Variants in TRMT11 observed in about 807,000 individuals in gnomAD.
TRMT11 encodes the protein tRNA methyltransferase 11.
Under a neutral mutation model 62.8 loss-of-function variants are expected in TRMT11, and 53 were observed. That is an observed-to-expected ratio of 0.84 (90% confidence interval 0.68 to 1.06). TRMT11 has a LOEUF of 1.06. TRMT11 is among the 50% of genes least tolerant of loss of function. The pLI, the probability that TRMT11 is intolerant of heterozygous loss-of-function variation, is 0.00. For missense variants in TRMT11, 556 were observed against 553.4 expected, an observed-to-expected ratio of 1.00 and a Z score of -0.05; for synonymous variants, 188 against 190.3, an observed-to-expected ratio of 0.99 and a Z score of 0.10.
At chr6:126,133,232 A>G (rs1373849728) in intron 21 of TRMT11, among the ~76,000 whole-genome samples, 1 of 152,040 alleles carries the variant, frequency 6.6e-6, no homozygotes. Flanking sequence ...AGATATCAAT[A>G]TGCTTTAGCC....
intron 1 of TRMT11, among the ~76,000 whole-genome samples, chr6:126,178,475 A>G (rs1000036180): frequency 6.6e-6 from 1 of 152,214 alleles, no homozygotes; most frequent in Non-Finnish European, 1.5e-5. Context: ...AGCCCATTTC[A>G]GAGTCTACCT....
intron 12 of TRMT11, among the ~76,000 whole-genome samples, chr6:126,035,948 C>T (rs1775105391): frequency 6.6e-6 from 1 of 152,126 alleles, no homozygotes; most frequent in Admixed American, 6.5e-5. Flanking sequence ...TTGTCTTCTG[C>T]CTCCCTCTTG....
At chr6:126,250,216 G>A in the TRMT11 span, among the ~76,000 whole-genome samples, 1 of 152,140 alleles carries the variant, frequency 6.6e-6, no homozygotes, top group African/African-American at 2.4e-5. Context: ...GATTTCATTG[G>A]ATTTGGTAAT....
intron 21 of TRMT11, among the ~76,000 whole-genome samples, chr6:126,136,281 T>C (rs980035993): frequency 6.6e-6 from 1 of 151,618 alleles, no homozygotes; most frequent in Non-Finnish European, 1.5e-5. Flanking sequence ...AACTGAAAAT[T>C]TGTAAAATTT....
At chr6:126,235,969 C>T in the TRMT11 span, among the ~76,000 whole-genome samples, 1 of 152,176 alleles carries the variant, frequency 6.6e-6, no homozygotes, top group African/African-American at 2.4e-5. Context: ...TATGTTGGTA[C>T]CTAGAGAATG....
chr6:126,118,383 C>A (rs1458817122), intron 21 of TRMT11, among the ~76,000 whole-genome samples: 1 of 152,040 alleles, frequency 6.6e-6, no homozygotes, highest in African/African-American at 2.4e-5. Context: ...CACATAAATT[C>A]TTTATTTAAA....
At chr6:126,237,407 C>T in the TRMT11 span, among the ~76,000 whole-genome samples, 5 of 152,240 alleles carry the variant, frequency 3.3e-5, no homozygotes, top group South Asian at 2.1e-4. Flanking sequence ...TGGCCAGGCA[C>T]GGTGGCTCAC....
intron 21 of TRMT11, among the ~76,000 whole-genome samples, chr6:126,136,312 A>T (rs1562330922): frequency 1.3e-5 from 2 of 151,768 alleles, no homozygotes; most frequent in Non-Finnish European, 3.0e-5. Flanking sequence ...ATAACATCTT[A>T]GTAAAATTAC....
the TRMT11 span, among the ~76,000 whole-genome samples, chr6:126,260,720 T>C: frequency 6.6e-6 from 1 of 152,228 alleles, no homozygotes; most frequent in Non-Finnish European, 1.5e-5. Flanking sequence ...TGAAAGAATT[T>C]ATTTGTTAAA....
Position 126,119,449 on chromosome 6 carries a change from G to GC in TRMT11, c.*1823+3595dup, listed in dbSNP as rs367665151. Among the ~76,000 whole-genome samples, 268 of 149,094 alleles carry GC rather than the reference G, an allele frequency of 1.8e-3. 1 individual carries two copies. Among genetic ancestry groups the GC allele is most frequent in the African/African-American group, 6.4e-3 (256 of 40,288 alleles). ...GTCCTGATGCCTTAGTGTGCAGTGT[G>GC]CTTGACACCATAAGATCCTTTCTTC... is the stretch of plus-strand genomic sequence containing the variant. On this transcript the variant is annotated intron_variant and NMD_transcript_variant, in intron 21 of 22. Coordinates refer to the TRMT11 transcript ENST00000648977.
At chr6:126,271,555 T>C in the TRMT11 span, among the ~76,000 whole-genome samples, 2 of 151,984 alleles carry the variant, frequency 1.3e-5, no homozygotes, top group African/African-American at 4.8e-5. Context: ...TAAAAATATA[T>C]GTCAGGAGGA....
At chr6:126,026,802 GTT>G (rs1222722212) in intron 12 of TRMT11, among the ~76,000 whole-genome samples, 11 of 121,700 alleles carry the variant, frequency 9.0e-5, no homozygotes, top group African/African-American at 2.0e-4. Flanking sequence ...GGTTTTTTGG[GTT>G]TTTTTTTTTT....
At chr6:126,114,782 AAAG>A (rs1399883564) in intron 19 of TRMT11, among the ~76,000 whole-genome samples, 1 of 152,068 alleles carries the variant, frequency 6.6e-6, no homozygotes, top group South Asian at 2.1e-4. Flanking sequence ...GTTATTCAGC[AAAG>A]AAGATTTTCT....
At chr6:126,258,185 T>A in the TRMT11 span, 1 of 701,802 alleles carries the variant, frequency 1.4e-6, no homozygotes, top group South Asian at 1.4e-5. Flanking sequence ...CTTGTGGTAA[T>A]ACTTGATGGT....
chr6:126,235,890 T>C, the TRMT11 span, among the ~76,000 whole-genome samples: 12 of 152,198 alleles, frequency 7.9e-5, no homozygotes, highest in Non-Finnish European at 1.8e-4. Flanking sequence ...ACAGAAAATA[T>C]GTTTGACAGT....
intron 17 of TRMT11, among the ~76,000 whole-genome samples, chr6:126,102,937 A>G (rs1012091910): frequency 6.6e-6 from 1 of 152,236 alleles, no homozygotes; most frequent in Non-Finnish European, 1.5e-5. Flanking sequence ...TGCCAAAGTC[A>G]TATAATTGTT....
downstream of TRMT11, among the ~76,000 whole-genome samples, chr6:126,208,575 C>A (rs975114405): frequency 6.6e-6 from 1 of 151,812 alleles, no homozygotes; most frequent in African/African-American, 2.4e-5. Context: ...ACCTCTATGA[C>A]AAAAGGATAG....
intron 8 of TRMT11, among the ~76,000 whole-genome samples, chr6:126,010,364 T>C (rs1450600521): frequency 6.6e-6 from 1 of 152,040 alleles, no homozygotes; most frequent in Non-Finnish European, 1.5e-5. Flanking sequence ...TGTTTATATA[T>C]TGTTTTTTTC....
intron 12 of TRMT11, among the ~76,000 whole-genome samples, chr6:126,038,307 G>C (rs995594715): frequency 6.6e-6 from 1 of 151,846 alleles, no homozygotes; most frequent in African/African-American, 2.4e-5. Flanking sequence ...TGTTTTTCTT[G>C]AGTAGAAGCT....
Sources: allele counts gnomAD v4.1 joint callset (sites outside exome capture counted in the v4.1 genomes callset), GRCh38; gene constraint gnomAD v4.1.1; transcripts MANE v1.5; gene names NCBI Gene and HGNC (gene_info 2026-07-23, HGNC 2026-07-21).